Variants in RASSF9 observed in about 807,000 individuals in gnomAD.
The protein encoded by RASSF9 is Ras association domain family member 9.
In RASSF9, 18 loss-of-function variants were observed where a neutral mutation model predicts 21.4. The ratio of observed to expected loss-of-function variants is 0.84; its 90% CI spans 0.58 to 1.25. The LOEUF (loss-of-function observed/expected upper bound fraction) is 1.25, where lower values mean the gene tolerates loss of function less well. Among genes scored for constraint, RASSF9 ranks in the 50% most tolerant of loss-of-function variants. RASSF9 has a pLI of 0.00. For missense variants in RASSF9, 480 were observed against 503.2 expected (o/e 0.95, Z 0.44); for synonymous variants, 183 against 179.1 (o/e 1.02, Z -0.18).
At chr12:85,834,467 T>C (rs1408548834) in intron 1 of RASSF9, among the ~76,000 whole-genome samples, 1 of 152,106 alleles carries the variant, frequency 6.6e-6, no homozygotes. Flanking sequence ...GTAGAGTAGA[T>C]AGTAGAGTGG....
At position 85,835,269 on chromosome 12, in the gene RASSF9, T is replaced by C. The variant is rs116111110; in HGVS notation, c.47+886A>G. 6.2e-3 allele frequency among the ~76,000 whole-genome samples: 938 copies of C among 152,226 alleles called. 7 individuals carry two copies. The highest frequency in any genetic ancestry group is 0.021 in the African/African-American group (884 of 41,558). ...GAGAAAAGTGGTGGACAATCCCCTA[T>C]GCCAAAATAAATATATTTTTAAAAA... On this transcript the variant is annotated intron_variant, in intron 1 of 1. Transcript: ENST00000361228.
In RASSF9 at chr12:85,826,874, A is replaced by C. The variant is rs562486869; in HGVS notation, c.47+9281T>G. On this transcript the variant is annotated intron_variant, in intron 1 of 1. Transcript: ENST00000361228. ...TATAAAGAAAAATTAAATTAAATTTAAAAAATAAAATAATCTGTTTGGCCA... is the reference window on the plus strand; with the variant it reads ...TATAAAGAAAAATTAAATTAAATTTCAAAAATAAAATAATCTGTTTGGCCA... 2.0e-5 allele frequency among the ~76,000 whole-genome samples: 3 copies of C among 152,372 alleles called. No homozygotes were observed. The South Asian group carries it at 6.2e-4, about 32-fold the overall frequency.
intron 1 of RASSF9, among the ~76,000 whole-genome samples, chr12:85,830,059 A>T (rs1880416351): frequency 6.6e-6 from 1 of 152,274 alleles, no homozygotes; most frequent in East Asian, 1.9e-4. Context: ...CACTCAGAAC[A>T]TTCCTATAAC....
rs182475554 is a variant in RASSF9, at chr12:85,803,900, C to T, written c.*802G>A. On this transcript the variant is annotated 3_prime_UTR_variant, in exon 2 of 2. Coordinates refer to ENST00000361228, the MANE Select transcript of RASSF9 (RefSeq NM_005447.4). ...ATCATTGCAACTTTTGTAGATAGGACATAAACAAATAACACTATGACTGAT... is the reference window on the plus strand; with the variant it reads ...ATCATTGCAACTTTTGTAGATAGGATATAAACAAATAACACTATGACTGAT... 1.3e-5 allele frequency: 2 copies of T among 152,268 alleles called. No individual in the cohort carries two copies. The highest frequency in any genetic ancestry group is 1.3e-4 in the Admixed American group (2 of 15,292). The allele number at this position is 152,268 out of a possible 1,614,324, so 9.4% of individuals were successfully genotyped here. A position where few individuals can be genotyped will look rare whatever the true frequency, so the allele number is the denominator to read the frequency against.
chr12:85,829,473 A>G (rs1272147811), intron 1 of RASSF9, among the ~76,000 whole-genome samples: 20 of 152,132 alleles, frequency 1.3e-4, no homozygotes, highest in Admixed American at 1.2e-3. Flanking sequence ...TAATTGTAAA[A>G]TATTGTTTTC....
chr12:85,805,373 T>C lies in RASSF9; in HGVS notation c.637A>G (p.Lys213Glu), dbSNP rs201245431. 221 of 1,613,278 alleles carry C rather than the reference T, an allele frequency of 1.4e-4. No individual in the cohort carries two copies. Among genetic ancestry groups the C allele is most frequent in the Non-Finnish European group, 1.8e-4 (211 of 1,179,698 alleles). Residue 213 changes from lysine to glutamate, a missense_variant, in exon 2 of 2, where the codon AAG becomes GAG. Coordinates refer to ENST00000361228, the MANE Select transcript of RASSF9 (RefSeq NM_005447.4). ...RMKELDLEIE[K>E]CEAKFHLDRV... ...TCAAGATGGAACTTAGCTTCACACT[T>C]TTCAATTTCCAGATCCAGCTCTTTC...
At chr12:85,830,121 G>A (rs1404292336) in intron 1 of RASSF9, among the ~76,000 whole-genome samples, 2 of 152,092 alleles carry the variant, frequency 1.3e-5, no homozygotes, top group African/African-American at 4.8e-5. Flanking sequence ...ACATTCAACA[G>A]TGAGGTCTGT....
intron 1 of RASSF9, among the ~76,000 whole-genome samples, chr12:85,833,024 T>G (rs2136565207): frequency 6.6e-6 from 1 of 152,010 alleles, no homozygotes; most frequent in African/African-American, 2.4e-5. Context: ...AGGCTTTATA[T>G]TTAGGCATCT....
intron 1 of RASSF9, among the ~76,000 whole-genome samples, chr12:85,821,726 G>A (rs1057390402): frequency 4.0e-5 from 6 of 151,850 alleles, no homozygotes; most frequent in East Asian, 1.9e-4. Flanking sequence ...TTTAATTTTC[G>A]AAGAAGTAAT....
rs1182476006 is a variant in RASSF9, at chr12:85,802,586, T to C, written c.*2116A>G. On this transcript the variant is annotated 3_prime_UTR_variant, in exon 2 of 2. Coordinates refer to ENST00000361228, the MANE Select transcript of RASSF9 (RefSeq NM_005447.4). The stretch of plus-strand genomic sequence containing the variant: ...TAAAAGCAGAAGTTAATTCAAAGTT[T>C]CTAAGATGAAATTATCTCTCCAGGC... 2.6e-5 allele frequency: 4 copies of C among 152,300 alleles called. No individual in the cohort carries two copies. The highest frequency in any genetic ancestry group is 1.9e-4 in the East Asian group (1 of 5,184). The allele number at this position is 152,300 out of a possible 1,614,324, so 9.4% of individuals were successfully genotyped here. A position where few individuals can be genotyped will look rare whatever the true frequency, so the allele number is the denominator to read the frequency against.
At position 85,808,190 on chromosome 12, in the gene RASSF9, T is replaced by C. The variant is rs368813659; in HGVS notation, c.48-2228A>G. On this transcript the variant is annotated intron_variant, in intron 1 of 1. Coordinates refer to ENST00000361228, the MANE Select transcript of RASSF9 (RefSeq NM_005447.4). ...TTAACTAACTCTTATACTTTGGTTATTGACTCACATGAAGTAAAAAAGTTA... is the reference window on the plus strand; with the variant it reads ...TTAACTAACTCTTATACTTTGGTTACTGACTCACATGAAGTAAAAAAGTTA... Among the ~76,000 whole-genome samples the C allele has an allele frequency of 2.6e-5, 4 of 152,202 alleles. No homozygotes were observed. The East Asian group carries it at 7.7e-4, about 29-fold the overall frequency.
intron 1 of RASSF9, among the ~76,000 whole-genome samples, chr12:85,807,945 T>C (rs1879871497): frequency 6.6e-6 from 1 of 152,164 alleles, no homozygotes; most frequent in African/African-American, 2.4e-5. Flanking sequence ...ATGTGATTTA[T>C]GATGGTATAA....
chr12:85,806,213 AT>A (rs376246716), intron 1 of RASSF9, among the ~76,000 whole-genome samples: 7 of 147,418 alleles, frequency 4.7e-5, no homozygotes, highest in African/African-American at 7.5e-5. Context: ...GGCCCGGCTA[AT>A]TTTTTTTTTG....
intron 1 of RASSF9, among the ~76,000 whole-genome samples, chr12:85,828,302 A>C (rs1252996426): frequency 6.6e-6 from 1 of 152,106 alleles, no homozygotes; most frequent in African/African-American, 2.4e-5. Context: ...TAATAGCACA[A>C]CAGTGTGGTT....
At position 85,802,547 on chromosome 12, in the gene RASSF9, T is replaced by C. The variant is rs144835961; in HGVS notation, c.*2155A>G. 2 of 152,308 alleles carry C rather than the reference T, an allele frequency of 1.3e-5. No homozygotes were observed. Among genetic ancestry groups the C allele is most frequent in the East Asian group, 3.9e-4 (2 of 5,184 alleles). The allele number at this position is 152,308 out of a possible 1,614,324, so 9.4% of individuals were successfully genotyped here. A position where few individuals can be genotyped will look rare whatever the true frequency, so the allele number is the denominator to read the frequency against. Reference sequence around the variant, plus strand: ...AAGAATTGAGCCTTAAATGCATTACTGTGCTTAACTGTATAAAAGCAGAAG... The same window carrying C: ...AAGAATTGAGCCTTAAATGCATTACCGTGCTTAACTGTATAAAAGCAGAAG... On this transcript the variant is annotated 3_prime_UTR_variant, in exon 2 of 2. Transcript: ENST00000361228.
chr12:85,814,501 A>C (rs1004604252), intron 1 of RASSF9, among the ~76,000 whole-genome samples: 1 of 152,044 alleles, frequency 6.6e-6, no homozygotes, highest in African/African-American at 2.4e-5. Context: ...ACATATTTTC[A>C]TCATAGCTCC....
intron 1 of RASSF9, among the ~76,000 whole-genome samples, chr12:85,817,550 A>AG (rs1880102665): frequency 6.6e-6 from 1 of 152,106 alleles, no homozygotes; most frequent in South Asian, 2.1e-4. Context: ...TTTTTAATAA[A>AG]AATTTTTATA....
At chr12:85,813,695 G>A (rs1880001179) in intron 1 of RASSF9, among the ~76,000 whole-genome samples, 1 of 151,332 alleles carries the variant, frequency 6.6e-6, no homozygotes, top group African/African-American at 2.4e-5. Flanking sequence ...ACTAAACTTT[G>A]GCTGAAATTT....
intron 1 of RASSF9, among the ~76,000 whole-genome samples, chr12:85,818,005 G>A (rs911062038): frequency 6.6e-6 from 1 of 152,142 alleles, no homozygotes; most frequent in Non-Finnish European, 1.5e-5. Context: ...GAGATTTAAT[G>A]TGGGATGAAG....
Sources: allele counts gnomAD v4.1 joint callset (sites outside exome capture counted in the v4.1 genomes callset), GRCh38; gene constraint gnomAD v4.1.1; transcripts MANE v1.5; gene names NCBI Gene and HGNC (gene_info 2026-07-23, HGNC 2026-07-21).